Variants in MMP3 observed in about 807,000 individuals in gnomAD.
The protein encoded by MMP3 is stromelysin-1.
MMP3 carries 46 observed loss-of-function variants against 47.3 expected under a neutral mutation model. That is an observed-to-expected ratio of 0.97 (90% confidence interval 0.77 to 1.24). The LOEUF (loss-of-function observed/expected upper bound fraction) is 1.24, where lower values mean the gene tolerates loss of function less well. Among genes scored for constraint, MMP3 ranks in the 50% most tolerant of loss-of-function variants. MMP3 has a pLI of 0.00. For missense variants in MMP3, 558 were observed against 565.5 expected (o/e 0.99, Z 0.13); for synonymous variants, 216 against 206.5 (o/e 1.05, Z -0.39).
At chr11:102,842,940 A>T in intron 1 of MMP3, 24 bp from the exon 2 acceptor site, 1 of 1,551,218 alleles carries the variant, frequency 6.4e-7, no homozygotes, top group Non-Finnish European at 8.7e-7. Context: ...TATAGTTTTT[A>T]GGTCACTCTT....
intron 7 of MMP3, 137 bp from the exon 8 acceptor site, chr11:102,838,847 T>A: frequency 4.5e-6 from 5 of 1,109,580 alleles, no homozygotes; most frequent in Non-Finnish European, 6.3e-6. Context: ...CAGCTTACAG[T>A]GGGCTTTTCA....
At chr11:102,843,178 C>T (rs1440586000) in intron 1 of MMP3, among the ~76,000 whole-genome samples, 1 of 151,928 alleles carries the variant, frequency 6.6e-6, no homozygotes, top group Admixed American at 6.6e-5. Flanking sequence ...GTGCCTTAAG[C>T]CCCAGTGCTG....
Position 102,837,986 on chromosome 11 carries a change from C to T in MMP3, c.1229+565G>A, listed in dbSNP as rs1858914814. The stretch of plus-strand genomic sequence containing the variant: ...TGTTGGGTTGTATCCATAAACTGGA[C>T]TGCTATTGATCATCATCTCTTAAAT... On this transcript the variant is annotated intron_variant, in intron 8 of 9. Coordinates refer to ENST00000299855, the MANE Select transcript of MMP3 (RefSeq NM_002422.5). The surrounding 1 kb of genome is among the most constrained non-coding windows in gnomAD (Gnocchi z 4.4). 6.6e-6 allele frequency among the ~76,000 whole-genome samples: 1 copy of T among 152,098 alleles called. No individual in the cohort carries two copies. The highest frequency in any genetic ancestry group is 2.1e-4 in the South Asian group (1 of 4,828).
At chr11:102,839,032 G>A (rs1253910432) in intron 7 of MMP3, 78 bp downstream of exon 7, 39 of 1,502,920 alleles carry the variant, frequency 2.6e-5, no homozygotes, top group Non-Finnish European at 2.7e-5. Context: ...CTTGTAGTAG[G>A]GAAAATTAAA....
Position 102,843,514 on chromosome 11 carries a change from G to T in MMP3, c.33C>A (p.Cys11Ter), listed in dbSNP as rs113324830. MKSLPILLLL[C>*]VAVCSAYPLD... ...ATGGATAGGCTGAGCAAACTGCCAC[G>T]CACAGCAACAGTAGGATTGGAAGAC... The change falls in exon 1 of 10, where the codon TGC becomes TGA. Residue 11 changes from cysteine (C) to a stop codon, truncating the protein, a stop_gained. Coordinates refer to ENST00000299855, the MANE Select transcript of MMP3 (RefSeq NM_002422.5). LOFTEE classifies it high-confidence loss of function. The T allele has an allele frequency of 1.2e-6, 2 of 1,613,448 alleles. No individual in the cohort carries two copies. The highest frequency in any genetic ancestry group is 1.7e-5 in the Admixed American group (1 of 59,940).
Position 102,836,748 on chromosome 11 carries a change from G to A in MMP3, c.1334-522C>T. 3.8e-6 allele frequency: 1 copy of A among 263,610 alleles called. No homozygotes were observed. Among genetic ancestry groups the A allele is most frequent in the South Asian group, 4.1e-5 (1 of 24,434 alleles). The allele number at this position is 263,610 out of a possible 1,614,324, so 16.3% of individuals were successfully genotyped here. On this transcript the variant is annotated intron_variant, in intron 9 of 9. Coordinates refer to ENST00000299855, the MANE Select transcript of MMP3 (RefSeq NM_002422.5). The surrounding 1 kb of genome is among the most constrained non-coding windows in gnomAD (Gnocchi z 4.6). ...GGTGATCAGGTTACCTTTCAATAAAGATCATCAGCCTCCACTTCCTTACCT... is the reference window on the plus strand; with the variant it reads ...GGTGATCAGGTTACCTTTCAATAAAAATCATCAGCCTCCACTTCCTTACCT...
chr11:102,842,103 T>C, intron 4 of MMP3, 51 bp downstream of exon 4: 3 of 1,477,686 alleles, frequency 2.0e-6, no homozygotes, highest in Non-Finnish European at 2.7e-6. Flanking sequence ...AACAGATTTC[T>C]ACATATAAAA....
Position 102,842,286 on chromosome 11 carries a change from G to T in MMP3, c.500-7C>A. 1 of 1,593,256 alleles carries T rather than the reference G, an allele frequency of 6.3e-7. No homozygotes were observed. The highest frequency in any genetic ancestry group is 8.5e-7 in the Non-Finnish European group (1 of 1,173,994). ...GGGTAAAAGTCTCCATGTTCTAGTA[G>T]GAAAAAAATTTATTGGAAAGATATG... On this transcript the variant is annotated splice_region_variant and splice_polypyrimidine_tract_variant and intron_variant, in intron 3 of 9. Transcript: ENST00000299855.
Position 102,835,937 on chromosome 11 carries a change from G to C in MMP3, c.*189C>G, listed in dbSNP as rs1858872227. On this transcript the variant is annotated 3_prime_UTR_variant, in exon 10 of 10. Transcript: ENST00000299855. ...GTGACAAGGTGCAAGCTAAGCAGCAGCCCATTTGAATGCCCTGTAATAACA... is the reference window on the plus strand; with the variant it reads ...GTGACAAGGTGCAAGCTAAGCAGCACCCCATTTGAATGCCCTGTAATAACA... 3.6e-6 allele frequency: 2 copies of C among 548,700 alleles called. No homozygotes were observed. The highest frequency in any genetic ancestry group is 6.2e-5 in the Admixed American group (2 of 32,128). The allele number at this position is 548,700 out of a possible 1,614,324, so 34.0% of individuals were successfully genotyped here.
intron 4 of MMP3, among the ~76,000 whole-genome samples, chr11:102,841,032 T>G (rs1023737359): frequency 6.6e-6 from 1 of 152,232 alleles, no homozygotes; most frequent in Non-Finnish European, 1.5e-5. Context: ...GAAACTATAT[T>G]CATGTTAATT....
At chr11:102,842,037 T>C in intron 4 of MMP3, 117 bp downstream of exon 4, 2 of 1,011,012 alleles carry the variant, frequency 2.0e-6, no homozygotes, top group East Asian at 2.7e-5. Flanking sequence ...ATTCTGCTGA[T>C]CTCTGATCCA....
At chr11:102,838,097 A>G (rs1395508063) in intron 8 of MMP3, among the ~76,000 whole-genome samples, 1 of 152,180 alleles carries the variant, frequency 6.6e-6, no homozygotes, top group Non-Finnish European at 1.5e-5. Flanking sequence ...GGAAGACAAA[A>G]CAAACACACA....
chr11:102,840,944 A>G (rs782199037), intron 4 of MMP3, among the ~76,000 whole-genome samples: 16 of 151,988 alleles, frequency 1.1e-4, no homozygotes, highest in Non-Finnish European at 2.1e-4. Context: ...CATATCAGAT[A>G]TTTACCTTCA....
In MMP3 at chr11:102,840,444, T is replaced by C; in HGVS notation, c.775A>G (p.Ile259Val). The change falls in exon 5 of 10, where the codon ATT becomes GTT. Residue 259 changes from isoleucine (I) to valine (V), a missense_variant. By Grantham distance (29) the Ile-to-Val change is conservative (BLOSUM62 3). Coordinates refer to ENST00000299855, the MANE Select transcript of MMP3 (RefSeq NM_002422.5). Reference sequence around the variant, plus strand: ...TGTCACTCACCATAGAGGGACTGAATGCCATTTATATCATCTTGAGACAGG... The same window carrying C: ...TGTCACTCACCATAGAGGGACTGAACGCCATTTATATCATCTTGAGACAGG... ...FRLSQDDING[I>V]QSLYGPPPDS... 6.2e-7 allele frequency: 1 copy of C among 1,614,004 alleles called. No individual in the cohort carries two copies. Among genetic ancestry groups the C allele is most frequent in the Non-Finnish European group, 8.5e-7 (1 of 1,179,984 alleles).
chr11:102,841,501 G>GTTTTCCT (rs1359869973), intron 4 of MMP3, among the ~76,000 whole-genome samples: 1 of 152,004 alleles, frequency 6.6e-6, no homozygotes. Context: ...AGTATTAATT[G>GTTTTCCT]TTTTCCTATT....
At position 102,843,045 on chromosome 11, in the gene MMP3, G is replaced by A. The variant is rs140370525; in HGVS notation, c.106-129C>T. On this transcript the variant is annotated intron_variant, in intron 1 of 9. Transcript: ENST00000299855. The stretch of plus-strand genomic sequence containing the variant: ...TATTTCTCTAGCTTGCTGAAATAAT[G>A]GCAAATTTTATAATATGATACTAGC... 7.8e-4 allele frequency: 660 copies of A among 842,652 alleles called. 4 individuals carry two copies. In the African/African-American group the frequency reaches 9.4e-3, roughly 12 times the overall value. 52.2% of individuals were successfully genotyped at this position (842,652 alleles called of 1,614,324 possible). A position where few individuals can be genotyped will look rare whatever the true frequency, so the allele number is the denominator to read the frequency against.
rs1555004599 is a variant in MMP3 at position 102,836,573 on chromosome 11, C to T, written c.1334-347G>A. 4 of 486,814 alleles carry T rather than the reference C, an allele frequency of 8.2e-6. No homozygotes were observed. The highest frequency in any genetic ancestry group is 4.6e-5 in the South Asian group (3 of 64,592). 30.2% of individuals were successfully genotyped at this position (486,814 alleles called of 1,614,324 possible). A position where few individuals can be genotyped will look rare whatever the true frequency, so the allele number is the denominator to read the frequency against. ...CCAGGTTACAGGGTTATTCTGCTTC[C>T]GATCAGATAAATTCTCCACTTGCTT... On this transcript the variant is annotated intron_variant, in intron 9 of 9. Coordinates refer to ENST00000299855, the MANE Select transcript of MMP3 (RefSeq NM_002422.5). The surrounding 1 kb of genome is among the most constrained non-coding windows in gnomAD (Gnocchi z 4.6).
Position 102,836,291 on chromosome 11 carries a change from A to G in MMP3, c.1334-65T>C. On this transcript the variant is annotated intron_variant, in intron 9 of 9. Transcript: ENST00000299855. The surrounding 1 kb of genome is among the most constrained non-coding windows in gnomAD (Gnocchi z 4.6). ...AAATAAAGACATTTGACAATATACA[A>G]AACTCAGAATCATAGAGAACTAAAA... is the stretch of plus-strand genomic sequence containing the variant. The G allele has an allele frequency of 7.9e-7, 1 of 1,258,524 alleles. No individual in the cohort carries two copies. Among genetic ancestry groups the G allele is most frequent in the East Asian group, 2.3e-5 (1 of 43,018 alleles). The allele number at this position is 1,258,524 out of a possible 1,614,324, so 78.0% of individuals were successfully genotyped here. A position where few individuals can be genotyped will look rare whatever the true frequency, so the allele number is the denominator to read the frequency against.
intron 4 of MMP3, among the ~76,000 whole-genome samples, chr11:102,841,621 T>C (rs1858998737): frequency 6.6e-6 from 1 of 152,008 alleles, no homozygotes; most frequent in South Asian, 2.1e-4. Context: ...CTAAACAGTT[T>C]GAACGTTGTA....
Sources: allele counts gnomAD v4.1 joint callset (sites outside exome capture counted in the v4.1 genomes callset), GRCh38; gene constraint gnomAD v4.1.1; non-coding constraint Gnocchi (gnomAD v3.1); transcripts MANE v1.5; gene names NCBI Gene and HGNC (gene_info 2026-07-23, HGNC 2026-07-21).